Variants in MPDZ observed in about 807,000 individuals in gnomAD.
MPDZ encodes the protein multiple PDZ domain protein.
In MPDZ, 234 loss-of-function variants were observed where a neutral mutation model predicts 239.1. The observed-to-expected ratio is 0.98, with a 90% CI of 0.88 to 1.09. MPDZ has a LOEUF of 1.09. Among genes scored for constraint, MPDZ ranks in the 50% least tolerant of loss-of-function variants. The pLI, the probability that MPDZ is intolerant of heterozygous loss-of-function variation, is 0.00. For synonymous variants in MPDZ, 1,048 were observed against 881.3 expected (o/e 1.19, Z -3.35); for missense variants, 3,175 against 2,510.0 (o/e 1.26, Z -5.66).
chr9:13,207,378 A>G (rs998461059), intron 10 of MPDZ, among the ~76,000 whole-genome samples: 4 of 151,876 alleles, frequency 2.6e-5, no homozygotes, highest in African/African-American at 9.7e-5. Context: ...ACCAGCCCCA[A>G]CCTCATCTCT....
rs186547386 is a variant in MPDZ at position 13,222,137 on chromosome 9, G to T, written c.747+96C>A. On this transcript the variant is annotated intron_variant, in intron 6 of 46. Coordinates refer to ENST00000319217, the MANE Select transcript of MPDZ (RefSeq NM_001378778.1). ...AAAGAATAGTCAGACAAAAACTCAA[G>T]AAGTGCAAAGACCCTACACAAATTA... 1.2e-3 allele frequency: 1,045 copies of T among 886,608 alleles called. 7 individuals carry two copies. Among genetic ancestry groups the T allele is most frequent in the Middle Eastern group, 1.5e-3 (6 of 4,024 alleles). The allele number at this position is 886,608 out of a possible 1,614,324, so 54.9% of individuals were successfully genotyped here.
intron 8 of MPDZ, among the ~76,000 whole-genome samples, chr9:13,218,960 A>G (rs912500115): frequency 4.6e-5 from 7 of 152,082 alleles, no homozygotes; most frequent in Admixed American, 1.3e-4. Flanking sequence ...AGTTTTTGTT[A>G]TAACACCAAA....
At chr9:13,190,870 T>A (rs1954824122) in intron 15 of MPDZ, among the ~76,000 whole-genome samples, 1 of 152,152 alleles carries the variant, frequency 6.6e-6, no homozygotes, top group African/African-American at 2.4e-5. Context: ...CATTGAGCAA[T>A]ATTCATCAAC....
intron 39 of MPDZ, among the ~76,000 whole-genome samples, chr9:13,117,947 C>G (rs372876195): frequency 6.7e-6 from 1 of 150,368 alleles, no homozygotes; most frequent in African/African-American, 2.5e-5. Flanking sequence ...CGGGTTCAGG[C>G]GATTCTCCTG....
intron 15 of MPDZ, among the ~76,000 whole-genome samples, chr9:13,191,819 T>C (rs957498177): frequency 2.6e-5 from 4 of 152,176 alleles, no homozygotes; most frequent in Admixed American, 1.3e-4. Context: ...AAGTATATAG[T>C]ATGCATTAAC....
chr9:13,185,956 A>G (rs1954035408), intron 18 of MPDZ, among the ~76,000 whole-genome samples: 2 of 152,174 alleles, frequency 1.3e-5, no homozygotes, highest in Non-Finnish European at 2.9e-5. Context: ...GCACAGTTAA[A>G]GAATGCCTAG....
intron 23 of MPDZ, among the ~76,000 whole-genome samples, chr9:13,162,108 T>A (rs565804785): frequency 1.3e-5 from 2 of 152,022 alleles, no homozygotes; most frequent in African/African-American, 2.4e-5. Context: ...CTACAAAAAA[T>A]ACAGAATTAG....
intron 35 of MPDZ, among the ~76,000 whole-genome samples, chr9:13,124,402 A>T (rs1944816215): frequency 6.6e-6 from 1 of 152,194 alleles, no homozygotes. Context: ...GTGTTTCCTT[A>T]AAAAACTGTT....
chr9:13,171,494 C>A (rs1408153771), intron 21 of MPDZ, among the ~76,000 whole-genome samples: 2 of 152,106 alleles, frequency 1.3e-5, no homozygotes, highest in Non-Finnish European at 2.9e-5. Flanking sequence ...GTTTCTGTAT[C>A]TAATCAGTGA....
At chr9:13,250,155 C>T in intron 2 of MPDZ, 145 bp downstream of exon 2, 1 of 637,842 alleles carries the variant, frequency 1.6e-6, no homozygotes, top group Non-Finnish European at 2.6e-6. Context: ...AACATATTAC[C>T]TTAATACAAT....
chr9:13,229,455 A>G (rs1220343200), intron 3 of MPDZ, among the ~76,000 whole-genome samples: 1 of 152,044 alleles, frequency 6.6e-6, no homozygotes, highest in Non-Finnish European at 1.5e-5. Flanking sequence ...TCAAAGCACA[A>G]TAAGACCAAC....
chr9:13,278,001 A>G (rs901456111), intron 1 of MPDZ, among the ~76,000 whole-genome samples: 3 of 152,202 alleles, frequency 2.0e-5, no homozygotes, highest in Non-Finnish European at 4.4e-5. Context: ...TCAACATGTA[A>G]AACTCCCAAG....
At chr9:13,136,319 C>CTTTTTTTTTTT in intron 30 of MPDZ, 137 bp from the exon 31 acceptor site, 2 of 246,236 alleles carry the variant, frequency 8.1e-6, no homozygotes, top group Non-Finnish European at 1.3e-5. Context: ...AATTTACAAA[C>CTTTTTTTTTTT]GTTTTCTTTT....
chr9:13,272,690 C>A (rs1224047068), intron 1 of MPDZ, among the ~76,000 whole-genome samples: 3 of 132,968 alleles, frequency 2.3e-5, no homozygotes, highest in African/African-American at 8.6e-5. Flanking sequence ...TGGTGAAACT[C>A]TGTTCCTACT....
intron 27 of MPDZ, among the ~76,000 whole-genome samples, chr9:13,142,627 A>T (rs1000332930): frequency 2.0e-5 from 3 of 152,124 alleles, no homozygotes; most frequent in Admixed American, 1.3e-4. Flanking sequence ...CACTGACACA[A>T]ACCTTAAAGG....
intron 19 of MPDZ, among the ~76,000 whole-genome samples, chr9:13,180,093 C>T (rs2134349957): frequency 6.6e-6 from 1 of 152,232 alleles, no homozygotes; most frequent in East Asian, 1.9e-4. Context: ...AAGACTCTCA[C>T]AGTCACTCAT....
chr9:13,250,000 C>A (rs1404433853), intron 2 of MPDZ, among the ~76,000 whole-genome samples: 1 of 152,126 alleles, frequency 6.6e-6, no homozygotes, highest in African/African-American at 2.4e-5. Context: ...TAGATATTAA[C>A]CAGAATTAGG....
At chr9:13,213,066 A>G (rs1236243930) in intron 10 of MPDZ, among the ~76,000 whole-genome samples, 5 of 152,134 alleles carry the variant, frequency 3.3e-5, no homozygotes, top group African/African-American at 9.7e-5. Flanking sequence ...AATAATTTTT[A>G]TCAATCATAA....
chr9:13,108,887 T>C (rs201936319), intron 46 of MPDZ, 49 bp downstream of exon 46: 1 of 1,588,662 alleles, frequency 6.3e-7, no homozygotes, highest in Middle Eastern at 1.7e-4. Flanking sequence ...CTGACCACTA[T>C]TAATGAATGT....
Sources: gnomAD v4.1 joint callset for allele counts (sites outside exome capture counted in the v4.1 genomes callset) on GRCh38, gnomAD v4.1.1 for gene constraint, MANE v1.5 for transcripts, NCBI Gene and HGNC (gene_info 2026-07-23, HGNC 2026-07-21) for gene names.